Variants in UBE2F observed in about 807,000 individuals in gnomAD.
The protein encoded by UBE2F is NEDD8-conjugating enzyme UBE2F.
Under a neutral mutation model 29.6 loss-of-function variants are expected in UBE2F, and 5 were observed. That is an observed-to-expected ratio of 0.17 (90% CI 0.09 to 0.36). UBE2F has a LOEUF of 0.36. UBE2F is among the 10% of genes least tolerant of loss of function. The probability of loss-of-function intolerance (pLI) is 1.00; values close to 1 mark genes in which losing one functional copy is unlikely to be tolerated. For synonymous variants in UBE2F, 66 were observed against 81.8 expected (o/e 0.81, Z 1.04); for missense variants, 141 against 228.5 (o/e 0.62, Z 2.47).
chr2:238,022,121 A>G (rs1225256089), intron 5 of UBE2F, among the ~76,000 whole-genome samples: 1 of 151,820 alleles, frequency 6.6e-6, no homozygotes, highest in Non-Finnish European at 1.5e-5. Context: ...TTTGGGAGGA[A>G]ATGGTATCTC....
At chr2:237,997,959 G>A (rs2063722820) in intron 4 of UBE2F, among the ~76,000 whole-genome samples, 2 of 152,198 alleles carry the variant, frequency 1.3e-5, no homozygotes, top group South Asian at 4.1e-4. Flanking sequence ...ATATCCCGTG[G>A]AGGCTTCTGT....
intron 4 of UBE2F, among the ~76,000 whole-genome samples, chr2:237,999,949 C>T (rs191763814): frequency 2.0e-4 from 31 of 151,974 alleles, no homozygotes; most frequent in Non-Finnish European, 3.5e-4. Context: ...CTCAGCCTCC[C>T]GAGTACCTGG....
chr2:237,987,256 G>A (rs571539289), intron 2 of UBE2F, among the ~76,000 whole-genome samples: 1 of 152,274 alleles, frequency 6.6e-6, no homozygotes, highest in East Asian at 1.9e-4. Flanking sequence ...GGGTGTGTGT[G>A]TGGGGAAGGG....
rs182264549 is a variant in UBE2F at position 237,976,097 on chromosome 2, T to C, written c.118+2872T>C. 1.9e-3 allele frequency among the ~76,000 whole-genome samples: 287 copies of C among 152,366 alleles called. 1 individual carries two copies. Among genetic ancestry groups the C allele is most frequent in the Admixed American group, 7.0e-3 (107 of 15,300 alleles). The stretch of plus-strand genomic sequence containing the variant: ...AGTAGATTGTATTCAGCGTCTGTTG[T>C]GCTGGAGGCTTTACCCTAAGAGGCC... On this transcript the variant is annotated intron_variant, in intron 2 of 9. Transcript: ENST00000272930.
intron 9 of UBE2F, among the ~76,000 whole-genome samples, chr2:238,037,379 G>A (rs1400466893): frequency 6.6e-6 from 1 of 152,250 alleles, no homozygotes; most frequent in Non-Finnish European, 1.5e-5. Flanking sequence ...AGGAGGGGAA[G>A]TGCTGTCAGG....
At chr2:237,987,183 C>T (rs1183897222) in intron 2 of UBE2F, among the ~76,000 whole-genome samples, 4 of 152,052 alleles carry the variant, frequency 2.6e-5, no homozygotes, top group African/African-American at 4.8e-5. Context: ...CAATGTTTTA[C>T]AGTTTTCAGT....
chr2:238,037,053 G>A (rs75960169), intron 9 of UBE2F, among the ~76,000 whole-genome samples: 1 of 152,066 alleles, frequency 6.6e-6, no homozygotes, highest in Admixed American at 6.5e-5. Flanking sequence ...CCCTGAGCTT[G>A]TCAAGGTTCA....
At chr2:238,017,910 G>C (rs1576627622) in intron 5 of UBE2F, among the ~76,000 whole-genome samples, 1 of 152,132 alleles carries the variant, frequency 6.6e-6, no homozygotes, top group South Asian at 2.1e-4. Flanking sequence ...ACTGGGCTCC[G>C]TTCAGTGGCT....
intron 4 of UBE2F, among the ~76,000 whole-genome samples, chr2:237,996,558 C>G (rs939611913): frequency 1.3e-5 from 2 of 151,540 alleles, no homozygotes; most frequent in African/African-American, 4.9e-5. Flanking sequence ...TCACTGCAAC[C>G]TTCGCCTTCC....
At chr2:237,993,363 G>C (rs2063627537) in intron 3 of UBE2F, among the ~76,000 whole-genome samples, 2 of 152,174 alleles carry the variant, frequency 1.3e-5, no homozygotes, top group Non-Finnish European at 2.9e-5. Context: ...GTAGAAATTT[G>C]ACCTGGGTTT....
intron 9 of UBE2F, among the ~76,000 whole-genome samples, chr2:238,039,915 G>C (rs924122098): frequency 1.3e-5 from 2 of 152,232 alleles, no homozygotes; most frequent in Non-Finnish European, 2.9e-5. Context: ...TGAGCTGCCA[G>C]TATTGTCTGG....
chr2:238,020,898 G>A (rs1467822378), intron 5 of UBE2F, among the ~76,000 whole-genome samples: 4 of 152,192 alleles, frequency 2.6e-5, no homozygotes, highest in South Asian at 4.1e-4. Flanking sequence ...GGAGACAGAC[G>A]CTGACATGAC....
chr2:238,020,708 T>C (rs11678650), intron 5 of UBE2F, among the ~76,000 whole-genome samples: 130,778 of 152,250 alleles, frequency 0.86, 56,327 homozygotes, highest in East Asian at 0.97. Context: ...GTGTTTTTGT[T>C]CCTTTGCCTC....
chr2:237,978,069 G>GCAAGCA (rs1469109825), intron 2 of UBE2F, among the ~76,000 whole-genome samples: 1 of 152,168 alleles, frequency 6.6e-6, no homozygotes, highest in Non-Finnish European at 1.5e-5. Flanking sequence ...AAGAGCAAGC[G>GCAAGCA]CAAGCACAAG....
At chr2:238,000,307 C>G (rs991131176) in intron 4 of UBE2F, among the ~76,000 whole-genome samples, 2 of 152,026 alleles carry the variant, frequency 1.3e-5, no homozygotes, top group African/African-American at 4.8e-5. Flanking sequence ...TATTTCTGCT[C>G]TTTGTTATTT....
intron 4 of UBE2F, among the ~76,000 whole-genome samples, chr2:238,002,876 T>TTC (rs1169258897): frequency 1.3e-5 from 2 of 150,406 alleles, no homozygotes; most frequent in South Asian, 2.1e-4. Context: ...AAGTGATCCA[T>TTC]CTGCCTTGGC....
intron 2 of UBE2F, among the ~76,000 whole-genome samples, chr2:237,985,788 T>C (rs1481164779): frequency 6.6e-6 from 1 of 152,212 alleles, no homozygotes; most frequent in South Asian, 2.1e-4. Context: ...TTTTCCATAA[T>C]GGCTATACCA....
At chr2:237,978,393 G>A (rs996069894) in intron 2 of UBE2F, among the ~76,000 whole-genome samples, 4 of 152,192 alleles carry the variant, frequency 2.6e-5, no homozygotes, top group Non-Finnish European at 4.4e-5. Context: ...GGAGGGGTGC[G>A]AGGAAGGGCC....
chr2:238,013,317 G>A (rs1192472502), intron 4 of UBE2F, among the ~76,000 whole-genome samples: 1 of 152,094 alleles, frequency 6.6e-6, no homozygotes, highest in Non-Finnish European at 1.5e-5. Flanking sequence ...AGGGAAAAGC[G>A]AATGGAGACA....
Sources: allele counts gnomAD v4.1 joint callset (sites outside exome capture counted in the v4.1 genomes callset), GRCh38; gene constraint gnomAD v4.1.1; transcripts MANE v1.5; gene names NCBI Gene and HGNC (gene_info 2026-07-23, HGNC 2026-07-21).